Variants in NME1 observed in about 807,000 individuals in gnomAD.
The protein encoded by NME1 is NME/NM23 nucleoside diphosphate kinase 1.
Under a neutral mutation model 17.2 loss-of-function variants are expected in NME1, and 9 were observed. The ratio of observed to expected loss-of-function variants is 0.52; its 90% CI spans 0.32 to 0.92. NME1 has a LOEUF of 0.92. Ranked by LOEUF, NME1 falls within the 40% of genes least tolerant of loss-of-function variation. The probability of loss-of-function intolerance (pLI) is 0.04; values close to 1 mark genes in which losing one functional copy is unlikely to be tolerated. For missense variants in NME1, 169 were observed against 201.7 expected (o/e 0.84, Z 0.98); for synonymous variants, 72 against 70.8 (o/e 1.02, Z -0.09).
intron 2 of NME1, among the ~76,000 whole-genome samples, chr17:51,157,554 C>T (rs765227935): frequency 6.6e-6 from 1 of 152,212 alleles, no homozygotes; most frequent in Non-Finnish European, 1.5e-5. Flanking sequence ...TTGGGGGACA[C>T]ATTCAGATCA....
chr17:51,161,961 G>T lies in NME1; in HGVS notation c.*116G>T. 1 of 758,360 alleles carries T rather than the reference G, an allele frequency of 1.3e-6. No homozygotes were observed. The highest frequency in any genetic ancestry group is 2.3e-6 in the Non-Finnish European group (1 of 427,300). The allele number at this position is 758,360 out of a possible 1,614,324, so 47.0% of individuals were successfully genotyped here. A position where few individuals can be genotyped will look rare whatever the true frequency, so the allele number is the denominator to read the frequency against. ...GAACTTCATCATAATTTGGAGGGAA[G>T]CTCTTGGAGCTGTGAGTTCTCCCTG... On this transcript the variant is annotated 3_prime_UTR_variant, in exon 5 of 5. Transcript: ENST00000393196.
intron 1 of NME1, among the ~76,000 whole-genome samples, chr17:51,154,977 C>T (rs547652237): frequency 6.6e-6 from 1 of 152,270 alleles, no homozygotes; most frequent in Non-Finnish European, 1.5e-5. Flanking sequence ...ATGGGGCTCA[C>T]GCCTTTAATC....
At chr17:51,157,071 AT>A (rs2049798699) in intron 2 of NME1, among the ~76,000 whole-genome samples, 1 of 152,028 alleles carries the variant, frequency 6.6e-6, no homozygotes, top group Middle Eastern at 3.2e-3. Flanking sequence ...AAGGGAATCA[AT>A]TTTGGACCCT....
chr17:51,154,519 A>G (rs1330077659), intron 1 of NME1: 3 of 1,247,900 alleles, frequency 2.4e-6, no homozygotes, highest in Admixed American at 1.7e-5. Flanking sequence ...TCCTTTCAGT[A>G]TGATGTCCCG....
intron 1 of NME1, chr17:51,154,107 C>T: frequency 2.1e-6 from 1 of 484,450 alleles, no homozygotes; most frequent in Admixed American, 3.3e-5. Context: ...TTTATGCTTG[C>T]CCCGCACCCC....
chr17:51,157,059 A>G (rs920372227), intron 2 of NME1, among the ~76,000 whole-genome samples: 2 of 152,004 alleles, frequency 1.3e-5, no homozygotes, highest in Non-Finnish European at 2.9e-5. Context: ...TATGTTTTCT[A>G]AAAGGGAATC....
At chr17:51,154,222 T>G in intron 1 of NME1, 1 of 726,792 alleles carries the variant, frequency 1.4e-6, no homozygotes, top group East Asian at 2.5e-5. Flanking sequence ...TATTGACTGC[T>G]AGGCCCTGTG....
rs1182446314 is a variant in NME1 at position 51,156,952 on chromosome 17, G to C, written c.126+1172G>C. On this transcript the variant is annotated intron_variant, in intron 2 of 4. Coordinates refer to ENST00000393196, the MANE Select transcript of NME1 (RefSeq NM_000269.3). ...CAGGAGGCGGAGGTTTCAGTGAGCC[G>C]ATATTGCACCACACTGCAGCCTGGG... Among the ~76,000 whole-genome samples, 4 of 148,864 alleles carry C rather than the reference G, an allele frequency of 2.7e-5. No individual in the cohort carries two copies. In the Admixed American group the frequency reaches 2.7e-4, roughly 10 times the overall value.
At chr17:51,155,085 A>AG in intron 1 of NME1, among the ~76,000 whole-genome samples, 1 of 149,316 alleles carries the variant, frequency 6.7e-6, no homozygotes, top group East Asian at 2.0e-4. Context: ...AGTAAAAAAA[A>AG]ATACAGAAAT....
intron 4 of NME1, 74 bp from the exon 5 acceptor site, chr17:51,161,654 C>T: frequency 9.4e-7 from 1 of 1,059,962 alleles, no homozygotes; most frequent in Admixed American, 1.7e-5. Context: ...GCTGCTGTGG[C>T]TGTAGATTTC....
chr17:51,153,971 A>G (rs2049745375), intron 1 of NME1: 1 of 211,404 alleles, frequency 4.7e-6, no homozygotes, highest in Non-Finnish European at 9.9e-6. Flanking sequence ...TGCTGAATAA[A>G]TGACGGGTGT....
rs1162028937 is a variant in NME1 at position 51,161,153 on chromosome 17, C to A, written c.229-7C>A. 1 of 1,607,066 alleles carries A rather than the reference C, an allele frequency of 6.2e-7. No individual in the cohort carries two copies. Among genetic ancestry groups the A allele is most frequent in the South Asian group, 1.1e-5 (1 of 89,694 alleles). ...TTCTTTGACCATATCTTCTTCTGTC[C>A]TTGGAGGTCTGGGAGGGGCTGAATG... On this transcript the variant is annotated splice_region_variant and splice_polypyrimidine_tract_variant and intron_variant, in intron 3 of 4. Coordinates refer to ENST00000393196, the MANE Select transcript of NME1 (RefSeq NM_000269.3).
chr17:51,161,211 A>G lies in NME1; in HGVS notation c.280A>G (p.Thr94Ala), dbSNP rs2049860119. The G allele has an allele frequency of 6.2e-7, 1 of 1,612,732 alleles. No individual in the cohort carries two copies. The highest frequency in any genetic ancestry group is 8.5e-7 in the Non-Finnish European group (1 of 1,179,632). Residue 94 changes from threonine (T) to alanine (A), a missense_variant, in exon 4 of 5, where the codon ACC (threonine) becomes GCC (alanine). Transcript: ENST00000393196. ...VKTGRVMLGETNPADSKPGTI... is the reference protein window; with the variant it reads ...VKTGRVMLGEANPADSKPGTI... ...GACGGGCCGAGTCATGCTCGGGGAG[A>G]CCAACCCTGCAGACTCCAAGCCTGG... is the stretch of plus-strand genomic sequence containing the variant.
chr17:51,159,990 ATCT>A lies in NME1; in HGVS notation c.141_143del (p.Leu48del), dbSNP rs762338636. 11 of 1,614,166 alleles carry A rather than the reference ATCT, an allele frequency of 6.8e-6. No homozygotes were observed. Among genetic ancestry groups the A allele is most frequent in the Non-Finnish European group, 9.3e-6 (11 of 1,180,022 alleles). ...TGTCCTGTTGAATAGGCTTCCGAAG[ATCT>A]TCTCAAGGAACACTACGTTGACCTG... is the stretch of plus-strand genomic sequence containing the variant. On this transcript the variant is annotated inframe_deletion, in exon 3 of 5. Coordinates refer to ENST00000393196, the MANE Select transcript of NME1 (RefSeq NM_000269.3).
chr17:51,158,231 G>A (rs1461630264), intron 2 of NME1, among the ~76,000 whole-genome samples: 3 of 152,192 alleles, frequency 2.0e-5, no homozygotes, highest in Non-Finnish European at 4.4e-5. Flanking sequence ...AGTGAGCGGA[G>A]ATCGAGCCAC....
At chr17:51,159,907 G>A (rs2049840296) in intron 2 of NME1, 73 bp from the exon 3 acceptor site, 7 of 1,563,702 alleles carry the variant, frequency 4.5e-6, no homozygotes, top group Non-Finnish European at 2.6e-6. Flanking sequence ...CAGGGTGGAT[G>A]AGGGGAAATT....
At chr17:51,156,117 TAG>T (rs1270598341) in intron 2 of NME1, 1 of 336,056 alleles carries the variant, frequency 3.0e-6, no homozygotes, top group Non-Finnish European at 5.8e-6. Context: ...CAGATAATTT[TAG>T]AGAGATTTTT....
At chr17:51,155,932 C>T (rs1294340186) in intron 2 of NME1, 152 bp downstream of exon 2, 12 of 1,245,012 alleles carry the variant, frequency 9.6e-6, no homozygotes, top group African/African-American at 7.5e-5. Flanking sequence ...AGTGCCCTAG[C>T]GTTTGGCTAC....
At chr17:51,157,451 A>C (rs187203128) in intron 2 of NME1, among the ~76,000 whole-genome samples, 13 of 152,296 alleles carry the variant, frequency 8.5e-5, no homozygotes, top group Admixed American at 8.5e-4. Context: ...TAATCTGTTC[A>C]TGAGGGTGAA....
Sources: gnomAD v4.1 joint callset for allele counts (sites outside exome capture counted in the v4.1 genomes callset) on GRCh38, gnomAD v4.1.1 for gene constraint, MANE v1.5 for transcripts, NCBI Gene and HGNC (gene_info 2026-07-23, HGNC 2026-07-21) for gene names.